The following COG5 variants were observed in gnomAD, a reference collection of about 807,000 sequenced individuals.
The protein encoded by COG5 is component of oligomeric golgi complex 5.
A neutral mutation model predicts 110.4 loss-of-function variants in COG5; 86 were observed. That is an observed-to-expected ratio of 0.78 (90% CI 0.65 to 0.93). The LOEUF (loss-of-function observed/expected upper bound fraction) is 0.93, where lower values mean the gene tolerates loss of function less well. Among genes scored for constraint, COG5 ranks in the 40% least tolerant of loss-of-function variants. The probability of loss-of-function intolerance (pLI) is 0.00; values close to 1 mark genes in which losing one functional copy is unlikely to be tolerated. For missense variants in COG5, 1,077 were observed against 987.0 expected (o/e 1.09, Z -1.22); for synonymous variants, 360 against 334.6 (o/e 1.08, Z -0.83).
intron 7 of COG5, among the ~76,000 whole-genome samples, chr7:107,398,694 C>T (rs13437658): frequency 0.014 from 2,174 of 152,148 alleles, 54 homozygotes; most frequent in African/African-American, 0.05. Context: ...AGTGAAGAAG[C>T]TAGATACACA....
rs1026115793 is a variant in COG5 at position 107,228,538 on chromosome 7, C to G, written c.2168+2077G>C. On this transcript the variant is annotated intron_variant, in intron 19 of 21. Transcript: ENST00000297135. ...AACTTTTATGGTACAAACAGATGAC[C>G]AATGGATTGGCAACCTCAGGACCTC... Among the ~76,000 whole-genome samples, 6 of 152,148 alleles carry G rather than the reference C, an allele frequency of 3.9e-5. No individual in the cohort carries two copies. In the South Asian group the frequency reaches 1.2e-3, roughly 32 times the overall value.
chr7:107,532,802 C>T (rs1314529712), intron 5 of COG5, among the ~76,000 whole-genome samples: 4 of 152,210 alleles, frequency 2.6e-5, no homozygotes, highest in Admixed American at 6.5e-5. Context: ...ACAAACACTA[C>T]AGTCAAAAGT....
intron 10 of COG5, among the ~76,000 whole-genome samples, chr7:107,330,823 C>CA (rs1554415800): frequency 7.4e-6 from 1 of 135,618 alleles, no homozygotes; most frequent in Middle Eastern, 3.4e-3. Flanking sequence ...AGCTAGATCC[C>CA]TTTTTTTTTT....
chr7:107,549,834 C>A (rs1802758135), intron 3 of COG5, among the ~76,000 whole-genome samples: 1 of 152,086 alleles, frequency 6.6e-6, no homozygotes, highest in African/African-American at 2.4e-5. Flanking sequence ...CTGCTCTTCT[C>A]CATCTACAAT....
chr7:107,561,439 C>A (rs781015855), intron 1 of COG5, among the ~76,000 whole-genome samples: 5 of 152,086 alleles, frequency 3.3e-5, no homozygotes, highest in African/African-American at 1.2e-4. Context: ...AAAAGAGCAC[C>A]TAGAGAATTA....
chr7:107,354,115 T>C (rs1004018008), intron 10 of COG5, among the ~76,000 whole-genome samples: 2 of 152,234 alleles, frequency 1.3e-5, no homozygotes, highest in African/African-American at 4.8e-5. Context: ...CAAATTGTTA[T>C]AGCAACAAAA....
chr7:107,266,270 G>A (rs1223221286), intron 14 of COG5, among the ~76,000 whole-genome samples: 1 of 152,124 alleles, frequency 6.6e-6, no homozygotes, highest in Non-Finnish European at 1.5e-5. Context: ...TTTCTTGAGT[G>A]CTAAAACTAT....
At chr7:107,261,081 G>A (rs1056984787) in intron 14 of COG5, among the ~76,000 whole-genome samples, 11 of 151,994 alleles carry the variant, frequency 7.2e-5, no homozygotes, top group African/African-American at 7.3e-5. Flanking sequence ...GGGCCCTGAG[G>A]AACCCGCGTA....
chr7:107,416,554 A>G (rs1303619707), intron 6 of COG5, among the ~76,000 whole-genome samples: 4 of 152,200 alleles, frequency 2.6e-5, no homozygotes, highest in Non-Finnish European at 5.9e-5. Context: ...GGGCAGTATT[A>G]TAACTTATAT....
chr7:107,425,901 T>G (rs569324257), intron 6 of COG5, among the ~76,000 whole-genome samples: 4 of 152,314 alleles, frequency 2.6e-5, no homozygotes, highest in Non-Finnish European at 5.9e-5. Context: ...TAATTCAATA[T>G]GACTAGTGTC....
chr7:107,482,350 T>C (rs1239865578), intron 6 of COG5, among the ~76,000 whole-genome samples: 2 of 152,044 alleles, frequency 1.3e-5, no homozygotes, highest in Non-Finnish European at 2.9e-5. Flanking sequence ...CTCATTATGT[T>C]GCCCAGGCTG....
intron 14 of COG5, among the ~76,000 whole-genome samples, chr7:107,259,657 T>C (rs965999840): frequency 6.6e-5 from 10 of 152,198 alleles, no homozygotes; most frequent in Non-Finnish European, 1.3e-4. Context: ...GCTCTAGCTG[T>C]ACAATTTAAA....
intron 6 of COG5, among the ~76,000 whole-genome samples, chr7:107,431,858 G>A (rs1342137780): frequency 6.6e-6 from 1 of 152,008 alleles, no homozygotes; most frequent in Non-Finnish European, 1.5e-5. Context: ...GTCTCACTTT[G>A]TTGCCTAGGC....
intron 8 of COG5, among the ~76,000 whole-genome samples, chr7:107,364,638 A>T (rs192237092): frequency 1.3e-5 from 2 of 152,302 alleles, no homozygotes; most frequent in Admixed American, 1.3e-4. Context: ...AGAAGAACTC[A>T]TCATTGGTTA....
At chr7:107,502,258 T>C (rs1382134797) in intron 6 of COG5, among the ~76,000 whole-genome samples, 1 of 152,074 alleles carries the variant, frequency 6.6e-6, no homozygotes, top group African/African-American at 2.4e-5. Flanking sequence ...ATGAGAACAT[T>C]TGATGTTTAG....
At chr7:107,262,354 T>C (rs1803423712) in intron 14 of COG5, among the ~76,000 whole-genome samples, 1 of 152,166 alleles carries the variant, frequency 6.6e-6, no homozygotes, top group Non-Finnish European at 1.5e-5. Flanking sequence ...CAGTGAGTGA[T>C]ATCTTCAGCA....
At chr7:107,380,333 T>C (rs1815005449) in intron 7 of COG5, among the ~76,000 whole-genome samples, 2 of 151,396 alleles carry the variant, frequency 1.3e-5, no homozygotes, top group African/African-American at 2.4e-5. Flanking sequence ...CTGAAGGAGA[T>C]ACAGACACGA....
At position 107,499,014 on chromosome 7, in the gene COG5, T is replaced by C. The variant is rs529159983; in HGVS notation, c.538+28223A>G. Among the ~76,000 whole-genome samples, 4 of 152,278 alleles carry C rather than the reference T, an allele frequency of 2.6e-5. No individual in the cohort carries two copies. In the South Asian group the frequency reaches 8.3e-4, roughly 32 times the overall value. ...TATGCAACAATGTGGATGAATCTTA[T>C]GGATATTATGCTTAGTAAAATAAGC... On this transcript the variant is annotated intron_variant, in intron 6 of 21. Coordinates refer to ENST00000297135, the MANE Select transcript of COG5 (RefSeq NM_006348.5).
intron 6 of COG5, among the ~76,000 whole-genome samples, chr7:107,518,488 A>C (rs1212164080): frequency 6.6e-6 from 1 of 152,156 alleles, no homozygotes; most frequent in East Asian, 1.9e-4. Flanking sequence ...ATGGGAAACA[A>C]AAAAAAGCAG....
Sources: allele counts gnomAD v4.1 joint callset (sites outside exome capture counted in the v4.1 genomes callset), GRCh38; gene constraint gnomAD v4.1.1; transcripts MANE v1.5; gene names NCBI Gene and HGNC (gene_info 2026-07-23, HGNC 2026-07-21).